JPH2: variants seen among roughly 807,000 people sequenced by gnomAD.
JPH2 encodes the protein junctophilin 2.
JPH2 carries 38 observed loss-of-function variants against 55.9 expected under a neutral mutation model. The observed-to-expected ratio is 0.68, with a 90% CI of 0.52 to 0.89. The LOEUF is 0.89. Ranked by LOEUF, JPH2 falls within the 40% of genes least tolerant of loss-of-function variation. The probability of loss-of-function intolerance (pLI) is 0.00; values close to 1 mark genes in which losing one functional copy is unlikely to be tolerated. For synonymous variants in JPH2, 480 were observed against 472.4 expected (o/e 1.02, Z -0.21); for missense variants, 964 against 1,037.6 (o/e 0.93, Z 0.97).
At chr20:44,139,141 G>A (rs920022730) in intron 2 of JPH2, among the ~76,000 whole-genome samples, 1 of 152,184 alleles carries the variant, frequency 6.6e-6, no homozygotes, top group Non-Finnish European at 1.5e-5. Context: ...AATCTGGGCC[G>A]GCTTTTTTCC....
rs1231445688 is a variant in JPH2 at position 44,111,294 on chromosome 20, A to G, written c.*2224T>C. On this transcript the variant is annotated 3_prime_UTR_variant, in exon 6 of 6. Coordinates refer to ENST00000372980, the MANE Select transcript of JPH2 (RefSeq NM_020433.5). ...TAACAACACTCGTCTCCATTTCTCC[A>G]CTGCTTTCTACAGCCTCAACATCTA... 1.3e-5 allele frequency among the ~76,000 whole-genome samples: 2 copies of G among 152,150 alleles called. No individual in the cohort carries two copies. The highest frequency in any genetic ancestry group is 2.9e-5 in the Non-Finnish European group (2 of 68,022).
rs761178564 is a variant in JPH2 at position 44,108,251 on chromosome 20, C to T, written c.*5267G>A. Among the ~76,000 whole-genome samples the T allele has an allele frequency of 2.6e-5, 4 of 152,174 alleles. No homozygotes were observed. Among genetic ancestry groups the T allele is most frequent in the Non-Finnish European group, 5.9e-5 (4 of 68,014 alleles). ...GGACACGGGTGTTTAGCATTTGGAA[C>T]CCTCCCAGATTCCTTCCTATGTCCC... On this transcript the variant is annotated 3_prime_UTR_variant, in exon 6 of 6. Coordinates refer to ENST00000372980, the MANE Select transcript of JPH2 (RefSeq NM_020433.5).
Position 44,160,208 on chromosome 20 carries a change from G to C in JPH2, c.579C>G (p.Pro193=). 1 of 1,411,556 alleles carries C rather than the reference G, an allele frequency of 7.1e-7. No individual in the cohort carries two copies. 87.4% of individuals were successfully genotyped at this position (1,411,556 alleles called of 1,614,324 possible). ...PASDGPALPS[P]AIPRGGFALS... is the part of the protein sequence containing the mutation. ...GCGCGAAGCCGCCACGCGGGATGGC[G>C]GGCGAGGGCAGCGCGGGGCCGTCGG... Residue 193 remains proline (P), a synonymous_variant, in exon 2 of 6, where the codon CCC becomes CCG. Transcript: ENST00000372980. The surrounding 1 kb of genome is among the most constrained non-coding windows in gnomAD (Gnocchi z 4.9).
chr20:44,140,968 C>G (rs1338535295), intron 2 of JPH2, among the ~76,000 whole-genome samples: 1 of 152,148 alleles, frequency 6.6e-6, no homozygotes, highest in Admixed American at 6.5e-5. Context: ...AAAGCCTGTG[C>G]TCTTGACCGT....
intron 2 of JPH2, 91 bp from the exon 3 acceptor site, chr20:44,118,714 C>A (rs1264438112): frequency 7.9e-6 from 8 of 1,012,216 alleles, no homozygotes; most frequent in Non-Finnish European, 1.2e-5. Context: ...ACATGCTAAA[C>A]ACAGCATTCT....
rs532205157 is a variant in JPH2, at chr20:44,119,812, T to G, written c.1170-1189A>C. The stretch of plus-strand genomic sequence containing the variant: ...TGGCATGAACCCAGGAGGCGGAGCT[T>G]GCAGTGAGCCGAGATTGCGCCAGTG... On this transcript the variant is annotated intron_variant, in intron 2 of 5. Transcript: ENST00000372980. Among the ~76,000 whole-genome samples, 92 of 147,682 alleles carry G rather than the reference T, an allele frequency of 6.2e-4. No individual in the cohort carries two copies. The South Asian group carries it at 0.014, about 22-fold the overall frequency.
chr20:44,185,268 C>T (rs2072823916), intron 1 of JPH2, among the ~76,000 whole-genome samples: 1 of 152,152 alleles, frequency 6.6e-6, no homozygotes, highest in Non-Finnish European at 1.5e-5. Context: ...GATTGTGCCA[C>T]CGCACTTCAG....
At chr20:44,144,072 G>C (rs1388697848) in intron 2 of JPH2, among the ~76,000 whole-genome samples, 1 of 152,122 alleles carries the variant, frequency 6.6e-6, no homozygotes, top group Non-Finnish European at 1.5e-5. Context: ...GCCCTGCCTG[G>C]CTGTGAAGAC....
rs1268072256 is a variant in JPH2, at chr20:44,108,111, T to C, written c.*5407A>G. On this transcript the variant is annotated 3_prime_UTR_variant, in exon 6 of 6. Coordinates refer to ENST00000372980, the MANE Select transcript of JPH2 (RefSeq NM_020433.5). ...GGGAAATGATTCAATCAATCACCTC[T>C]ACATAATGAAGTCCCAATAAAAACT... Among the ~76,000 whole-genome samples, 1 of 152,178 alleles carries C rather than the reference T, an allele frequency of 6.6e-6. No homozygotes were observed. Among genetic ancestry groups the C allele is most frequent in the Non-Finnish European group, 1.5e-5 (1 of 68,026 alleles).
chr20:44,116,024 G>C lies in JPH2; in HGVS notation c.1651C>G (p.Pro551Ala), dbSNP rs2072188431. ...ERMAIEALQA[P>A]PAPSREPEVA... is the part of the protein sequence containing the mutation. ...TCCGGCTCCCGCGACGGCGCAGGCG[G>C]TGCCTGCAGAGCCTCGATGGCCATG... Residue 551 changes from proline (P) to alanine (A), a missense_variant, in exon 4 of 6, where the codon CCG becomes GCG. Transcript: ENST00000372980. 1.3e-6 allele frequency: 2 copies of C among 1,580,572 alleles called. No individual in the cohort carries two copies. Among genetic ancestry groups the C allele is most frequent in the African/African-American group, 1.3e-5 (1 of 74,320 alleles).
At chr20:44,134,867 TATATATATTTATATATATATTA>T (rs1569195698) in intron 2 of JPH2, among the ~76,000 whole-genome samples, 4 of 21,912 alleles carry the variant, frequency 1.8e-4, no homozygotes, top group South Asian at 1.1e-3. Flanking sequence ...TATATATAAA[TATATATATTTATATATATATTA>T]ATATATATTT....
At position 44,127,314 on chromosome 20, in the gene JPH2, T is replaced by C. The variant is rs142290402; in HGVS notation, c.1170-8691A>G. On this transcript the variant is annotated intron_variant, in intron 2 of 5. Coordinates refer to ENST00000372980, the MANE Select transcript of JPH2 (RefSeq NM_020433.5). ...TGGACATGTTTTTATTCCTCTTGAG[T>C]ATATACCTAGGAGCAGAATTGCTGG... Among the ~76,000 whole-genome samples the C allele has an allele frequency of 3.9e-5, 6 of 152,264 alleles. No homozygotes were observed. The East Asian group carries it at 1.2e-3, about 29-fold the overall frequency.
At chr20:44,168,751 T>C (rs1366928644) in intron 1 of JPH2, among the ~76,000 whole-genome samples, 1 of 152,230 alleles carries the variant, frequency 6.6e-6, no homozygotes. Context: ...ATCTCAGCTC[T>C]GAAGAAAGCG....
chr20:44,110,398 G>C lies in JPH2; in HGVS notation c.*3120C>G, dbSNP rs2072133651. On this transcript the variant is annotated 3_prime_UTR_variant, in exon 6 of 6. Coordinates refer to ENST00000372980, the MANE Select transcript of JPH2 (RefSeq NM_020433.5). Reference sequence around the variant, plus strand: ...CAAGCCCATCCTTCCTGGAATCCCAGCATCATTCCAGAGTTTTGAAAACTT... The same window carrying C: ...CAAGCCCATCCTTCCTGGAATCCCACCATCATTCCAGAGTTTTGAAAACTT... Among the ~76,000 whole-genome samples the C allele has an allele frequency of 6.6e-6, 1 of 150,392 alleles. No homozygotes were observed. Among genetic ancestry groups the C allele is most frequent in the African/African-American group, 2.5e-5 (1 of 40,736 alleles).
At position 44,116,399 on chromosome 20, in the gene JPH2, C is replaced by T. The variant is rs1054067201; in HGVS notation, c.1289-13G>A. 1.3e-6 allele frequency: 2 copies of T among 1,546,454 alleles called. No homozygotes were observed. Among genetic ancestry groups the T allele is most frequent in the Non-Finnish European group, 1.7e-6 (2 of 1,146,492 alleles). ...TGATATTCCGGACCTGCCAGGGCAA[C>T]ACAGGGAGGCTGGGCTCGAACCCCG... On this transcript the variant is annotated splice_polypyrimidine_tract_variant and intron_variant, in intron 3 of 5. Coordinates refer to ENST00000372980, the MANE Select transcript of JPH2 (RefSeq NM_020433.5).
At chr20:44,173,481 A>G (rs1160059186) in intron 1 of JPH2, among the ~76,000 whole-genome samples, 1 of 152,158 alleles carries the variant, frequency 6.6e-6, no homozygotes, top group East Asian at 1.9e-4. Flanking sequence ...AACTATCCTT[A>G]AAAAATGCTA....
At chr20:44,149,374 C>T (rs2072514993) in intron 2 of JPH2, among the ~76,000 whole-genome samples, 1 of 152,250 alleles carries the variant, frequency 6.6e-6, no homozygotes, top group South Asian at 2.1e-4. Flanking sequence ...CTCGTGGCTA[C>T]CCACTCACAA....
At chr20:44,128,659 G>T (rs758199569) in intron 2 of JPH2, among the ~76,000 whole-genome samples, 1 of 151,908 alleles carries the variant, frequency 6.6e-6, no homozygotes, top group Non-Finnish European at 1.5e-5. Context: ...ATAAAAAATT[G>T]CTATTAATAT....
At chr20:44,179,048 CT>C (rs2072758915) in intron 1 of JPH2, among the ~76,000 whole-genome samples, 1 of 152,174 alleles carries the variant, frequency 6.6e-6, no homozygotes, top group South Asian at 2.1e-4. Context: ...AGCGCAGAAG[CT>C]TGGGTTTTTG....
Sources: gnomAD v4.1 joint callset for allele counts (sites outside exome capture counted in the v4.1 genomes callset) on GRCh38, gnomAD v4.1.1 for gene constraint, Gnocchi (gnomAD v3.1) non-coding constraint, MANE v1.5 for transcripts, NCBI Gene and HGNC (gene_info 2026-07-23, HGNC 2026-07-21) for gene names.